GPC6: variants seen among roughly 807,000 people sequenced by gnomAD.
GPC6 encodes the protein glypican 6.
Under a neutral mutation model 55.2 loss-of-function variants are expected in GPC6, and 14 were observed. The observed-to-expected ratio is 0.25, with a 90% confidence interval of 0.17 to 0.40. The LOEUF is 0.40. Ranked by LOEUF, GPC6 falls within the 10% of genes least tolerant of loss-of-function variation. The pLI is 1.00. For missense variants in GPC6, 641 were observed against 708.5 expected, an observed-to-expected ratio of 0.90 and a Z score of 1.08; for synonymous variants, 278 against 259.6, an observed-to-expected ratio of 1.07 and a Z score of -0.68.
chr13:93,718,475 G>GT (rs1190353035), intron 2 of GPC6, among the ~76,000 whole-genome samples: 1 of 151,842 alleles, frequency 6.6e-6, no homozygotes, highest in African/African-American at 2.4e-5. Flanking sequence ...TTGTAAATTT[G>GT]TTTAAGTTCC....
chr13:94,059,084 T>A (rs1884233216), intron 4 of GPC6, among the ~76,000 whole-genome samples: 1 of 151,024 alleles, frequency 6.6e-6, no homozygotes, highest in Non-Finnish European at 1.5e-5. Context: ...TTTATAGAGT[T>A]TTTTTTTTTA....
chr13:94,161,614 T>C (rs1888166982), intron 4 of GPC6, among the ~76,000 whole-genome samples: 2 of 152,158 alleles, frequency 1.3e-5, no homozygotes. Context: ...TGTGATGAAG[T>C]CTTATGCAGC....
At chr13:94,135,599 G>A (rs1038307377) in intron 4 of GPC6, among the ~76,000 whole-genome samples, 3 of 152,230 alleles carry the variant, frequency 2.0e-5, no homozygotes, top group Admixed American at 6.5e-5. Flanking sequence ...GGTTGTCTCT[G>A]TCATGTAGGA....
intron 2 of GPC6, among the ~76,000 whole-genome samples, chr13:93,678,227 C>G (rs1011484602): frequency 3.3e-5 from 5 of 152,084 alleles, no homozygotes; most frequent in Admixed American, 1.3e-4. Context: ...GGCTTTATCT[C>G]TTAGAGAACT....
At chr13:93,469,932 G>A (rs1879048461) in intron 1 of GPC6, among the ~76,000 whole-genome samples, 3 of 152,142 alleles carry the variant, frequency 2.0e-5, no homozygotes, top group South Asian at 4.2e-4. Flanking sequence ...ACCATATTGG[G>A]GGAGTATGTT....
At chr13:93,503,402 G>C (rs79359953) in intron 1 of GPC6, among the ~76,000 whole-genome samples, 2,156 of 152,262 alleles carry the variant, frequency 0.014, 46 homozygotes, top group African/African-American at 0.044. Context: ...GCTAGCCAAA[G>C]GGCAACATTG....
intron 4 of GPC6, among the ~76,000 whole-genome samples, chr13:94,106,606 C>T (rs868085123): frequency 2.0e-5 from 3 of 151,556 alleles, no homozygotes; most frequent in Non-Finnish European, 2.9e-5. Flanking sequence ...CATATTATTT[C>T]CTTATAATAA....
At chr13:93,894,725 T>C (rs1455011562) in intron 3 of GPC6, among the ~76,000 whole-genome samples, 2 of 152,086 alleles carry the variant, frequency 1.3e-5, no homozygotes, top group African/African-American at 4.8e-5. Flanking sequence ...ATCAAATTCA[T>C]TGCAGTTTCA....
intron 2 of GPC6, among the ~76,000 whole-genome samples, chr13:93,827,222 T>C (rs994402910): frequency 6.6e-6 from 1 of 152,234 alleles, no homozygotes; most frequent in African/African-American, 2.4e-5. Context: ...CTTTTTCTTA[T>C]ATTGTCCTTG....
At chr13:93,840,374 A>G (rs1307343870) in intron 3 of GPC6, among the ~76,000 whole-genome samples, 2 of 152,088 alleles carry the variant, frequency 1.3e-5, no homozygotes, top group African/African-American at 4.8e-5. Context: ...GGAAAATACA[A>G]CCCTGTTAGC....
At chr13:94,078,626 C>G (rs1884999338) in intron 4 of GPC6, among the ~76,000 whole-genome samples, 1 of 151,828 alleles carries the variant, frequency 6.6e-6, no homozygotes, top group South Asian at 2.1e-4. Context: ...TACACACCAA[C>G]AAATGGGATG....
intron 1 of GPC6, among the ~76,000 whole-genome samples, chr13:93,501,438 A>G (rs1046062076): frequency 1.3e-5 from 2 of 152,142 alleles, no homozygotes; most frequent in African/African-American, 4.8e-5. Context: ...TAGAACAGAA[A>G]TTACTTTGCA....
At chr13:94,012,119 C>T (rs760770018) in intron 3 of GPC6, among the ~76,000 whole-genome samples, 2 of 152,096 alleles carry the variant, frequency 1.3e-5, no homozygotes, top group Non-Finnish European at 2.9e-5. Context: ...GATCTCTACC[C>T]GATCAGATTC....
chr13:93,332,443 T>C (rs1879888383), intron 1 of GPC6, among the ~76,000 whole-genome samples: 1 of 152,162 alleles, frequency 6.6e-6, no homozygotes, highest in Non-Finnish European at 1.5e-5. Context: ...TGATTTTGAT[T>C]TGCATTTCCG....
At chr13:93,288,417 A>C (rs1275698945) in intron 1 of GPC6, among the ~76,000 whole-genome samples, 1 of 152,206 alleles carries the variant, frequency 6.6e-6, no homozygotes, top group African/African-American at 2.4e-5. Flanking sequence ...AAAGAGATTT[A>C]ATTAACATTA....
chr13:93,802,280 G>A (rs1886398952), intron 2 of GPC6, among the ~76,000 whole-genome samples: 1 of 151,648 alleles, frequency 6.6e-6, no homozygotes, highest in Admixed American at 6.6e-5. Context: ...GCTTTGTTCT[G>A]TAATAACTGG....
intron 3 of GPC6, among the ~76,000 whole-genome samples, chr13:93,873,786 A>C (rs921639484): frequency 4.6e-5 from 7 of 151,946 alleles, no homozygotes; most frequent in Admixed American, 4.6e-4. Flanking sequence ...TCCTACCTCA[A>C]TCATCCCTAA....
chr13:93,407,834 T>C (rs1429172226), intron 1 of GPC6, among the ~76,000 whole-genome samples: 1 of 152,152 alleles, frequency 6.6e-6, no homozygotes, highest in Non-Finnish European at 1.5e-5. Flanking sequence ...AATTCTGGTT[T>C]ATATCATATG....
intron 3 of GPC6, among the ~76,000 whole-genome samples, chr13:93,846,423 G>C (rs909962900): frequency 6.6e-6 from 1 of 152,160 alleles, no homozygotes; most frequent in Admixed American, 6.5e-5. Flanking sequence ...ACCCACAGTT[G>C]AATTTTTGGT....
Sources: allele counts gnomAD v4.1 joint callset (sites outside exome capture counted in the v4.1 genomes callset), GRCh38; gene constraint gnomAD v4.1.1; transcripts MANE v1.5; gene names NCBI Gene and HGNC (gene_info 2026-07-23, HGNC 2026-07-21).